Variants in UBE2E2 observed in about 807,000 individuals in gnomAD.
UBE2E2 encodes ubiquitin conjugating enzyme E2 E2.
UBE2E2 carries 6 observed loss-of-function variants against 24.7 expected under a neutral mutation model. That is an observed-to-expected ratio of 0.24 (90% CI 0.13 to 0.48). UBE2E2 has a LOEUF of 0.48. UBE2E2 is among the 20% of genes least tolerant of loss of function. The probability of loss-of-function intolerance (pLI) is 0.99; values close to 1 mark genes in which losing one functional copy is unlikely to be tolerated. For missense variants in UBE2E2, 169 were observed against 245.0 expected, an observed-to-expected ratio of 0.69 and a Z score of 2.07; for synonymous variants, 104 against 83.6, an observed-to-expected ratio of 1.24 and a Z score of -1.33.
In UBE2E2 at chr3:23,396,333, A is replaced by ATATATACG. The variant is rs1697076547; in HGVS notation, c.228-103269_228-103268insCGTATATA. Among the ~76,000 whole-genome samples, 5 of 146,002 alleles carry ATATATACG rather than the reference A, an allele frequency of 3.4e-5. 1 individual carries two copies. The highest frequency in any genetic ancestry group is 2.0e-4 in the East Asian group (1 of 5,084). On this transcript the variant is annotated intron_variant, in intron 3 of 5. Transcript: ENST00000396703. ...TATATATATATGTATATATATACGT[A>ATATATACG]TATATATATATAGCATTTTATTTTA...
intron 3 of UBE2E2, among the ~76,000 whole-genome samples, chr3:23,498,851 C>T (rs778663467): frequency 1.3e-5 from 2 of 151,998 alleles, no homozygotes; most frequent in South Asian, 2.1e-4. Flanking sequence ...ACAATTCACT[C>T]GACTCATGTG....
At chr3:23,337,274 G>A (rs937385643) in intron 3 of UBE2E2, among the ~76,000 whole-genome samples, 2 of 152,142 alleles carry the variant, frequency 1.3e-5, no homozygotes, top group Non-Finnish European at 2.9e-5. Context: ...TAGTTTCTAT[G>A]TATTGCTGGT....
rs1325933229 is a variant in UBE2E2 at position 23,534,309 on chromosome 3, G to GTC, written c.508+1608_508+1609insTC. 17 of 910,052 alleles carry GTC rather than the reference G, an allele frequency of 1.9e-5. No homozygotes were observed. The South Asian group carries it at 7.1e-4, about 38-fold the overall frequency. The allele number at this position is 910,052 out of a possible 1,614,324, so 56.4% of individuals were successfully genotyped here. ...AAAGCCTTCTCTCAGCAATCAAAAA[G>GTC]ACTTCTGTTCAGTGAACTAGTTTTT... is the stretch of plus-strand genomic sequence containing the variant. On this transcript the variant is annotated intron_variant, in intron 5 of 5. Transcript: ENST00000396703.
At chr3:23,488,501 T>G (rs1699428514) in intron 3 of UBE2E2, among the ~76,000 whole-genome samples, 1 of 152,212 alleles carries the variant, frequency 6.6e-6, no homozygotes, top group Non-Finnish European at 1.5e-5. Flanking sequence ...TAACTGTCCC[T>G]CAGATCTGCC....
chr3:23,349,700 C>T (rs1431641012), intron 3 of UBE2E2, among the ~76,000 whole-genome samples: 1 of 152,234 alleles, frequency 6.6e-6, no homozygotes, highest in Non-Finnish European at 1.5e-5. Flanking sequence ...CGCCATTGCC[C>T]AGGCTTGCTT....
At chr3:23,456,417 A>G (rs912435650) in intron 3 of UBE2E2, among the ~76,000 whole-genome samples, 11 of 152,250 alleles carry the variant, frequency 7.2e-5, no homozygotes, top group Non-Finnish European at 1.3e-4. Flanking sequence ...GATCCATCAG[A>G]GGAATCACTG....
chr3:23,511,710 T>G (rs891808904), intron 4 of UBE2E2, among the ~76,000 whole-genome samples: 1 of 152,218 alleles, frequency 6.6e-6, no homozygotes, highest in Middle Eastern at 3.2e-3. Context: ...TTTTCTCTTT[T>G]TCATTAAGTT....
chr3:23,362,268 C>G (rs1559361869), intron 3 of UBE2E2, among the ~76,000 whole-genome samples: 1 of 152,090 alleles, frequency 6.6e-6, no homozygotes, highest in Non-Finnish European at 1.5e-5. Context: ...GGAGAACCTC[C>G]CAAACATGGG....
At chr3:23,462,177 A>C (rs1161343315) in intron 3 of UBE2E2, among the ~76,000 whole-genome samples, 1 of 152,180 alleles carries the variant, frequency 6.6e-6, no homozygotes. Flanking sequence ...TGCATTGCCT[A>C]ACACTTTCTG....
chr3:23,303,383 G>T (rs1049109617), intron 3 of UBE2E2, among the ~76,000 whole-genome samples: 9 of 152,108 alleles, frequency 5.9e-5, no homozygotes, highest in African/African-American at 2.2e-4. Flanking sequence ...CCGGGTGTGT[G>T]GAAAAATTGT....
intron 3 of UBE2E2, among the ~76,000 whole-genome samples, chr3:23,377,131 G>A (rs1696544075): frequency 6.6e-6 from 1 of 152,082 alleles, no homozygotes; most frequent in South Asian, 2.1e-4. Context: ...CTGGCATTGG[G>A]TCCGTGTTCT....
At chr3:23,220,825 C>T (rs1354487571) in intron 3 of UBE2E2, among the ~76,000 whole-genome samples, 2 of 152,196 alleles carry the variant, frequency 1.3e-5, no homozygotes, top group East Asian at 1.9e-4. Context: ...CAGGTTGTAA[C>T]TTTCACAGTT....
intron 3 of UBE2E2, among the ~76,000 whole-genome samples, chr3:23,377,723 C>T (rs1354707799): frequency 6.6e-6 from 1 of 152,220 alleles, no homozygotes; most frequent in African/African-American, 2.4e-5. Context: ...TTAAACTTTT[C>T]AAGCCTCAGT....
chr3:23,393,744 A>C (rs954985683), intron 3 of UBE2E2, among the ~76,000 whole-genome samples: 1 of 152,204 alleles, frequency 6.6e-6, no homozygotes. Context: ...TGGACAGTCC[A>C]CAAGCTAAAA....
chr3:23,532,666 T>C lies in UBE2E2; in HGVS notation c.473T>C (p.Leu158Pro). ...SPALTISKVL[L>P]SICSLLTDCN... ...GCTTTAACTATTTCTAAAGTTCTCC[T>C]CTCCATCTGCTCACTTCTTACAGAT... is the stretch of plus-strand genomic sequence containing the variant. Residue 158 changes from leucine (L) to proline (P), a missense_variant, in exon 5 of 6, where the codon CTC (leucine) becomes CCC (proline). Transcript: ENST00000396703. 6.4e-7 allele frequency: 1 copy of C among 1,565,806 alleles called. No individual in the cohort carries two copies. Among genetic ancestry groups the C allele is most frequent in the South Asian group, 1.2e-5 (1 of 83,106 alleles).
At chr3:23,265,931 G>C (rs1274539459) in intron 3 of UBE2E2, among the ~76,000 whole-genome samples, 1 of 152,072 alleles carries the variant, frequency 6.6e-6, no homozygotes, top group Non-Finnish European at 1.5e-5. Flanking sequence ...GATCTTTGTT[G>C]GTTTAAAGTC....
intron 3 of UBE2E2, among the ~76,000 whole-genome samples, chr3:23,384,776 C>G (rs578242008): frequency 3.3e-5 from 5 of 151,474 alleles, no homozygotes; most frequent in Admixed American, 2.6e-4. Flanking sequence ...CTCCTGACCT[C>G]GTGATCCGCC....
intron 3 of UBE2E2, among the ~76,000 whole-genome samples, chr3:23,420,199 T>C (rs1697762238): frequency 6.6e-6 from 1 of 152,214 alleles, no homozygotes; most frequent in Non-Finnish European, 1.5e-5. Context: ...TCTATGTCTA[T>C]TCATACTTGT....
At chr3:23,543,431 A>G (rs1575696245) in intron 5 of UBE2E2, among the ~76,000 whole-genome samples, 1 of 152,170 alleles carries the variant, frequency 6.6e-6, no homozygotes, top group African/African-American at 2.4e-5. Flanking sequence ...CAAGCTGAGA[A>G]TCAAATCATG....
Sources: gnomAD v4.1 joint callset for allele counts (sites outside exome capture counted in the v4.1 genomes callset) on GRCh38, gnomAD v4.1.1 for gene constraint, MANE v1.5 for transcripts, NCBI Gene and HGNC (gene_info 2026-07-23, HGNC 2026-07-21) for gene names.